FLRT2: variants seen among roughly 807,000 people sequenced by gnomAD.
The protein encoded by FLRT2 is fibronectin leucine rich transmembrane protein 2.
In FLRT2, 15 loss-of-function variants were observed where a neutral mutation model predicts 40.0. The ratio of observed to expected loss-of-function variants is 0.38; its 90% confidence interval spans 0.25 to 0.58. The LOEUF is 0.58. Among genes scored for constraint, FLRT2 ranks in the 20% least tolerant of loss-of-function variants. The pLI is 0.71. For synonymous variants in FLRT2, 380 were observed against 336.8 expected (o/e 1.13, Z -1.41); for missense variants, 726 against 840.0 (o/e 0.86, Z 1.68).
intron 1 of FLRT2, among the ~76,000 whole-genome samples, chr14:85,575,817 C>G (rs916642565): frequency 6.6e-6 from 1 of 152,258 alleles, no homozygotes; most frequent in Non-Finnish European, 1.5e-5. Flanking sequence ...AATGCCTTCA[C>G]GTCTGTGTGT....
At chr14:85,538,877 A>G (rs892407266) in intron 1 of FLRT2, among the ~76,000 whole-genome samples, 11 of 152,106 alleles carry the variant, frequency 7.2e-5, no homozygotes, top group African/African-American at 2.4e-4. Flanking sequence ...CTGCCTCTAC[A>G]TGTCACGTTC....
chr14:85,572,466 A>G (rs1464066679), intron 1 of FLRT2, among the ~76,000 whole-genome samples: 1 of 152,212 alleles, frequency 6.6e-6, no homozygotes, highest in East Asian at 1.9e-4. Context: ...GCAGGACAGT[A>G]TATCCAGTAA....
intron 1 of FLRT2, 54 bp downstream of exon 1, chr14:85,530,588 C>T (rs1259356447): frequency 6.6e-6 from 1 of 152,240 alleles, no homozygotes; most frequent in Non-Finnish European, 1.5e-5. Context: ...CGAGCTGCTG[C>T]TACGCTGGCA....
chr14:85,530,502 G>A lies in FLRT2; in HGVS notation c.-409G>A, dbSNP rs1395581317. The A allele has an allele frequency of 6.5e-5, 10 of 152,702 alleles. No individual in the cohort carries two copies. The highest frequency in any genetic ancestry group is 2.6e-4 in the Admixed American group (4 of 15,290). The allele number at this position is 152,702 out of a possible 1,614,324, so 9.5% of individuals were successfully genotyped here. A position where few individuals can be genotyped will look rare whatever the true frequency, so the allele number is the denominator to read the frequency against. ...CTCCCTGACCCTGTCGGATTCGGAT[G>A]AGCCCATTGCAAGGAGAAGACGCAG... On this transcript the variant is annotated 5_prime_UTR_variant, in exon 1 of 2. It removes an upstream start codon present in the reference 5' UTR. Transcript: ENST00000330753.
intron 1 of FLRT2, among the ~76,000 whole-genome samples, chr14:85,554,514 T>G (rs1889840997): frequency 6.6e-6 from 1 of 152,332 alleles, no homozygotes; most frequent in South Asian, 2.1e-4. Flanking sequence ...GTACCTATTT[T>G]GAATCCTCTA....
At chr14:85,566,549 T>TTGTGTGTGTGTGTGTGTGTGTGTGTGTG (rs61634735) in intron 1 of FLRT2, among the ~76,000 whole-genome samples, 1 of 130,826 alleles carries the variant, frequency 7.6e-6, no homozygotes, top group Non-Finnish European at 1.7e-5. Context: ...ACTTCCATGG[T>TTGTGTGTGTGTGTGTGTGTGTGTGTGTG]TGTGTGTGTG....
chr14:85,533,422 C>G (rs1187011137), intron 1 of FLRT2, among the ~76,000 whole-genome samples: 2 of 152,136 alleles, frequency 1.3e-5, no homozygotes, highest in East Asian at 3.9e-4. Context: ...TGCGCCCGCC[C>G]CCGCGCAGCG....
intron 1 of FLRT2, among the ~76,000 whole-genome samples, chr14:85,619,084 C>CTTTT (rs11305956): frequency 1.5e-5 from 2 of 134,322 alleles, no homozygotes; most frequent in Non-Finnish European, 1.6e-5. Flanking sequence ...TAATGCTTGA[C>CTTTT]TTTTTTTTTT....
At chr14:85,531,860 G>A (rs1466443804) in intron 1 of FLRT2, among the ~76,000 whole-genome samples, 2 of 152,218 alleles carry the variant, frequency 1.3e-5, no homozygotes, top group African/African-American at 4.8e-5. Flanking sequence ...ACCGGGTAGT[G>A]TGCGCGTGTG....
chr14:85,546,480 G>A (rs1194640869), intron 1 of FLRT2, among the ~76,000 whole-genome samples: 1 of 152,118 alleles, frequency 6.6e-6, no homozygotes, highest in Non-Finnish European at 1.5e-5. Flanking sequence ...AGGTGTGGTA[G>A]CAGTTAGGTG....
chr14:85,553,722 G>A (rs1889785559), intron 1 of FLRT2, among the ~76,000 whole-genome samples: 1 of 151,912 alleles, frequency 6.6e-6, no homozygotes, highest in Non-Finnish European at 1.5e-5. Flanking sequence ...AAAGAGAAAG[G>A]GAAAAAGATT....
intron 1 of FLRT2, among the ~76,000 whole-genome samples, chr14:85,536,416 G>A (rs1181954324): frequency 2.0e-5 from 3 of 152,084 alleles, no homozygotes; most frequent in Admixed American, 6.5e-5. Context: ...GGTGCCGAGC[G>A]GCTTTTGGTT....
intron 1 of FLRT2, among the ~76,000 whole-genome samples, chr14:85,535,661 C>G (rs1259334245): frequency 6.6e-6 from 1 of 151,392 alleles, no homozygotes; most frequent in Non-Finnish European, 1.5e-5. Flanking sequence ...CTTGAAAGCC[C>G]GAAACAGGAT....
intron 1 of FLRT2, among the ~76,000 whole-genome samples, chr14:85,544,215 C>T (rs1209235516): frequency 6.6e-6 from 1 of 152,196 alleles, no homozygotes; most frequent in Non-Finnish European, 1.5e-5. Context: ...CTGGTAAACC[C>T]AACCTTGATC....
At chr14:85,577,509 T>A (rs1309783608) in intron 1 of FLRT2, among the ~76,000 whole-genome samples, 1 of 152,180 alleles carries the variant, frequency 6.6e-6, no homozygotes, top group East Asian at 1.9e-4. Flanking sequence ...CTCTGTTTTC[T>A]AGGCAGTCTC....
chr14:85,620,362 AAAAAGGAAAGTAAGC>A (rs1374018203), intron 1 of FLRT2, among the ~76,000 whole-genome samples: 5 of 152,212 alleles, frequency 3.3e-5, no homozygotes, highest in African/African-American at 9.7e-5. Context: ...TATGTATAGA[AAAAAGGAAAGTAAGC>A]AAATCGATCA....
Position 85,641,802 on chromosome 14 carries a change from G to A in FLRT2, c.*18305G>A, listed in dbSNP as rs1010836210. ...TTACCTAAACTGTCTGAATTTGAAA[G>A]TAGAGACAATCTTATTCATGCATAA... On this transcript the variant is annotated 3_prime_UTR_variant, in exon 2 of 2. Coordinates refer to ENST00000330753, the MANE Select transcript of FLRT2 (RefSeq NM_013231.6). The A allele has an allele frequency of 6.6e-6, 1 of 152,080 alleles. No individual in the cohort carries two copies. Among genetic ancestry groups the A allele is most frequent in the Non-Finnish European group, 1.5e-5 (1 of 68,024 alleles). 9.4% of individuals were successfully genotyped at this position (152,080 alleles called of 1,614,324 possible). A position where few individuals can be genotyped will look rare whatever the true frequency, so the allele number is the denominator to read the frequency against.
chr14:85,575,399 G>A (rs530173390), intron 1 of FLRT2, among the ~76,000 whole-genome samples: 3 of 151,592 alleles, frequency 2.0e-5, no homozygotes, highest in Admixed American at 6.6e-5. Flanking sequence ...TTAAAATATT[G>A]TTGTCGAAGG....
rs778021302 is a variant in FLRT2 at position 85,639,216 on chromosome 14, C to G, written c.*15719C>G. The G allele has an allele frequency of 6.6e-6, 1 of 152,188 alleles. No individual in the cohort carries two copies. Among genetic ancestry groups the G allele is most frequent in the African/African-American group, 2.4e-5 (1 of 41,436 alleles). The allele number at this position is 152,188 out of a possible 1,614,324, so 9.4% of individuals were successfully genotyped here. ...GCTGGAAGCTGGGAAAGTGATGACT[C>G]TCATTCACTGTTGCCCTGTTTCCTT... On this transcript the variant is annotated 3_prime_UTR_variant, in exon 2 of 2. Coordinates refer to ENST00000330753, the MANE Select transcript of FLRT2 (RefSeq NM_013231.6).
Sources: allele counts gnomAD v4.1 joint callset (sites outside exome capture counted in the v4.1 genomes callset), GRCh38; gene constraint gnomAD v4.1.1; transcripts MANE v1.5; gene names NCBI Gene and HGNC (gene_info 2026-07-23, HGNC 2026-07-21).